Variants in CFAP299 observed in about 807,000 individuals in gnomAD.
The protein encoded by CFAP299 is cilia- and flagella-associated protein 299.
Under a neutral mutation model 27.0 loss-of-function variants are expected in CFAP299, and 21 were observed. The ratio of observed to expected loss-of-function variants is 0.78; its 90% CI spans 0.55 to 1.12. The LOEUF (loss-of-function observed/expected upper bound fraction) is 1.12, where lower values mean the gene tolerates loss of function less well. Among genes scored for constraint, CFAP299 ranks in the 50% most tolerant of loss-of-function variants. The pLI is 0.00. For synonymous variants in CFAP299, 104 were observed against 98.1 expected, an observed-to-expected ratio of 1.06 and a Z score of -0.36; for missense variants, 310 against 276.6, an observed-to-expected ratio of 1.12 and a Z score of -0.86.
At chr4:80,730,470 A>T (rs903812990) in intron 3 of CFAP299, among the ~76,000 whole-genome samples, 5 of 151,426 alleles carry the variant, frequency 3.3e-5, no homozygotes, top group Non-Finnish European at 7.4e-5. Flanking sequence ...CCCTTGCTGG[A>T]GCTCTTTTGT....
At chr4:80,335,923 C>G in intron 1 of CFAP299, 44 bp downstream of exon 1, 3 of 1,246,818 alleles carry the variant, frequency 2.4e-6, no homozygotes, top group Non-Finnish European at 3.5e-6. Context: ...GCGCGTCCCT[C>G]GGTCCCTCCT....
chr4:80,859,373 G>C, intron 3 of CFAP299, among the ~76,000 whole-genome samples: 1 of 152,108 alleles, frequency 6.6e-6, no homozygotes, highest in East Asian at 1.9e-4. Context: ...CAATTTGCCA[G>C]TCTGTGTCTT....
chr4:80,742,256 A>G (rs1270133715), intron 3 of CFAP299, among the ~76,000 whole-genome samples: 1 of 152,184 alleles, frequency 6.6e-6, no homozygotes, highest in Non-Finnish European at 1.5e-5. Flanking sequence ...TAAACAGTAT[A>G]GCCTTCTATT....
intron 3 of CFAP299, among the ~76,000 whole-genome samples, chr4:80,618,067 A>G (rs756309187): frequency 1.3e-5 from 2 of 152,158 alleles, no homozygotes; most frequent in Admixed American, 6.6e-5. Flanking sequence ...TGCATACCGC[A>G]TAGGTTGTCC....
chr4:80,331,430 A>G (rs749244325), upstream of CFAP299, among the ~76,000 whole-genome samples: 29 of 152,228 alleles, frequency 1.9e-4, no homozygotes, highest in Middle Eastern at 3.2e-3. Flanking sequence ...TGGAATGGAA[A>G]GAGGCCAGAA....
At chr4:80,583,022 T>C in intron 2 of CFAP299, 71 bp from the exon 3 acceptor site, 1 of 896,178 alleles carries the variant, frequency 1.1e-6, no homozygotes, top group South Asian at 2.1e-5. Context: ...AGAAGCATTG[T>C]TGTTGGCTCC....
At chr4:80,679,642 G>T (rs945535883) in intron 3 of CFAP299, among the ~76,000 whole-genome samples, 2 of 151,290 alleles carry the variant, frequency 1.3e-5, no homozygotes, top group Non-Finnish European at 3.0e-5. Context: ...ATCTTAAGGT[G>T]GTTTTAATTT....
intron 2 of CFAP299, among the ~76,000 whole-genome samples, chr4:80,512,977 A>G (rs987258041): frequency 6.6e-6 from 1 of 152,178 alleles, no homozygotes; most frequent in African/African-American, 2.4e-5. Context: ...AATGCAGATC[A>G]ATAATATTTC....
chr4:80,827,783 A>C (rs1009456665), intron 3 of CFAP299, among the ~76,000 whole-genome samples: 1 of 151,966 alleles, frequency 6.6e-6, no homozygotes, highest in African/African-American at 2.4e-5. Context: ...AGGTGATATG[A>C]TGTTATATGT....
chr4:80,337,960 T>C (rs1302132342), intron 1 of CFAP299, among the ~76,000 whole-genome samples: 1 of 152,172 alleles, frequency 6.6e-6, no homozygotes, highest in East Asian at 1.9e-4. Flanking sequence ...TCAAATACTT[T>C]CTGTGGATGT....
chr4:80,583,263 T>G (rs1736265963), intron 3 of CFAP299, 80 bp downstream of exon 3: 1 of 703,332 alleles, frequency 1.4e-6, no homozygotes, highest in Non-Finnish European at 2.3e-6. Context: ...ATTAAATATC[T>G]TTCTTAAAGT....
chr4:80,872,874 T>G, intron 4 of CFAP299: 1 of 958,440 alleles, frequency 1.0e-6, no homozygotes, highest in Non-Finnish European at 1.2e-6. Flanking sequence ...ATCCTTTGCC[T>G]CTTATGTGTA....
At chr4:80,469,114 C>T (rs574783175) in intron 2 of CFAP299, among the ~76,000 whole-genome samples, 2 of 152,246 alleles carry the variant, frequency 1.3e-5, no homozygotes, top group African/African-American at 2.4e-5. Flanking sequence ...ATATGTGGTC[C>T]TTAATCAGCA....
intron 4 of CFAP299, among the ~76,000 whole-genome samples, chr4:80,890,649 A>G (rs922172422): frequency 4.7e-5 from 7 of 149,546 alleles, no homozygotes; most frequent in Non-Finnish European, 8.9e-5. Context: ...GACTTCCACA[A>G]TGGTTGAACT....
rs374971903 is a variant in CFAP299, at chr4:80,793,770, G to T, written c.334-76223G>T. On this transcript the variant is annotated intron_variant, in intron 3 of 5. Coordinates refer to ENST00000358105, the MANE Select transcript of CFAP299 (RefSeq NM_152770.3). ...AAATGAAGATATTTTCTTAGTACAA[G>T]TGTATACATGCACAAACATGTTTTT... 1.3e-5 allele frequency among the ~76,000 whole-genome samples: 2 copies of T among 152,172 alleles called. 1 individual carries two copies. The highest frequency in any genetic ancestry group is 4.8e-5 in the African/African-American group (2 of 41,452).
chr4:80,606,459 TG>T (rs1737681501), intron 3 of CFAP299, among the ~76,000 whole-genome samples: 1 of 152,056 alleles, frequency 6.6e-6, no homozygotes, highest in South Asian at 2.1e-4. Flanking sequence ...CGCTTGAACC[TG>T]GGAAGCAGAG....
intron 2 of CFAP299, among the ~76,000 whole-genome samples, chr4:80,447,296 C>T (rs1303574281): frequency 2.7e-5 from 4 of 148,212 alleles, no homozygotes; most frequent in Non-Finnish European, 5.9e-5. Context: ...CCACTACGCC[C>T]GGCTAATTTT....
At chr4:80,855,808 G>C (rs1051569854) in intron 3 of CFAP299, among the ~76,000 whole-genome samples, 30 of 151,960 alleles carry the variant, frequency 2.0e-4, no homozygotes, top group Admixed American at 2.0e-4. Context: ...GTCTATCATT[G>C]TTGGACATTT....
intron 2 of CFAP299, among the ~76,000 whole-genome samples, chr4:80,493,750 T>C (rs1338947726): frequency 6.7e-6 from 1 of 149,260 alleles, no homozygotes; most frequent in Non-Finnish European, 1.5e-5. Flanking sequence ...CTCTTTTCTA[T>C]CTCATATTCT....
Sources: gnomAD v4.1 joint callset for allele counts (sites outside exome capture counted in the v4.1 genomes callset) on GRCh38, gnomAD v4.1.1 for gene constraint, MANE v1.5 for transcripts, NCBI Gene and HGNC (gene_info 2026-07-23, HGNC 2026-07-21) for gene names.